Variants in DCLK1 observed in about 807,000 individuals in gnomAD.
The protein encoded by DCLK1 is serine/threonine-protein kinase DCLK1.
A neutral mutation model predicts 86.2 loss-of-function variants in DCLK1; 16 were observed. The ratio of observed to expected loss-of-function variants is 0.19; its 90% CI spans 0.13 to 0.28. The LOEUF (loss-of-function observed/expected upper bound fraction) is 0.28, where lower values mean the gene tolerates loss of function less well. Among genes scored for constraint, DCLK1 ranks in the 10% least tolerant of loss-of-function variants. The pLI is 1.00. For missense variants in DCLK1, 590 were observed against 940.2 expected, an observed-to-expected ratio of 0.63 and a Z score of 4.87; for synonymous variants, 369 against 370.5, an observed-to-expected ratio of 1.00 and a Z score of 0.05.
intron 4 of DCLK1, among the ~76,000 whole-genome samples, chr13:35,885,024 C>A (rs1276770213): frequency 6.6e-6 from 1 of 152,080 alleles, no homozygotes; most frequent in African/African-American, 2.4e-5. Context: ...GAAAACAGGA[C>A]CAGGCTCTTG....
At chr13:35,957,527 A>G (rs186334717) in intron 3 of DCLK1, among the ~76,000 whole-genome samples, 3 of 152,286 alleles carry the variant, frequency 2.0e-5, no homozygotes, top group Middle Eastern at 3.4e-3. Flanking sequence ...GTAAAATCAG[A>G]TTATTAAAAA....
At chr13:35,905,520 C>A (rs1874640105) in intron 4 of DCLK1, among the ~76,000 whole-genome samples, 1 of 152,192 alleles carries the variant, frequency 6.6e-6, no homozygotes, top group Admixed American at 6.5e-5. Context: ...CAGAAGATGA[C>A]AAAGTCAAGA....
At chr13:35,788,159 C>T in intron 16 of DCLK1, 3 of 1,551,838 alleles carry the variant, frequency 1.9e-6, no homozygotes, top group South Asian at 1.1e-5. Context: ...TTAATGGAGA[C>T]TGCCAGCACG....
At chr13:35,821,980 GT>G (rs2087405009) in intron 11 of DCLK1, among the ~76,000 whole-genome samples, 1 of 151,776 alleles carries the variant, frequency 6.6e-6, no homozygotes, top group Admixed American at 6.6e-5. Context: ...TTTCAAAATT[GT>G]TTTTATGCTA....
chr13:36,042,512 T>C (rs1882734125), intron 3 of DCLK1, among the ~76,000 whole-genome samples: 1 of 152,156 alleles, frequency 6.6e-6, no homozygotes, highest in South Asian at 2.1e-4. Flanking sequence ...ACCAAAGCTG[T>C]CAATTAAGGT....
chr13:35,905,687 T>C (rs1167371709), intron 4 of DCLK1, among the ~76,000 whole-genome samples: 1 of 152,236 alleles, frequency 6.6e-6, no homozygotes, highest in East Asian at 1.9e-4. Flanking sequence ...GGCTCACGCC[T>C]GTATTCCCAG....
At chr13:36,099,696 C>A (rs1161847066) in intron 3 of DCLK1, among the ~76,000 whole-genome samples, 1 of 152,204 alleles carries the variant, frequency 6.6e-6, no homozygotes, top group Admixed American at 6.5e-5. Context: ...AAAGCACAAT[C>A]ATCTTAATAA....
intron 14 of DCLK1, 74 bp downstream of exon 14, chr13:35,808,150 C>T: frequency 7.2e-7 from 1 of 1,379,766 alleles, no homozygotes; most frequent in Non-Finnish European, 1.0e-6. Flanking sequence ...AGTTTCTTTG[C>T]ACACAATGAT....
intron 3 of DCLK1, among the ~76,000 whole-genome samples, chr13:36,053,447 A>G (rs1883193978): frequency 6.6e-6 from 1 of 152,118 alleles, no homozygotes; most frequent in Admixed American, 6.6e-5. Context: ...TGCAAAATTA[A>G]CAGAGTCAAC....
chr13:35,846,380 C>G (rs766645936), intron 6 of DCLK1: 28 of 985,204 alleles, frequency 2.8e-5, no homozygotes, highest in Non-Finnish European at 3.3e-5. Context: ...TTGCCTATAA[C>G]TTTTAGATAT....
chr13:35,951,330 G>A (rs1256019084), intron 3 of DCLK1, among the ~76,000 whole-genome samples: 2 of 151,412 alleles, frequency 1.3e-5, no homozygotes, highest in Non-Finnish European at 2.9e-5. Flanking sequence ...ATGGATAGAT[G>A]GACGGATGGA....
At chr13:36,033,570 G>C (rs7317011) in intron 3 of DCLK1, among the ~76,000 whole-genome samples, 6,804 of 152,132 alleles carry the variant, frequency 0.045, 243 homozygotes, top group African/African-American at 0.1. Flanking sequence ...ATATGGGACG[G>C]CTGTAGGGTT....
At chr13:35,999,788 T>C (rs1249435430) in intron 3 of DCLK1, among the ~76,000 whole-genome samples, 2 of 152,196 alleles carry the variant, frequency 1.3e-5, no homozygotes, top group Admixed American at 6.5e-5. Flanking sequence ...TGGTAGGAGA[T>C]CTGTTGGGAG....
intron 11 of DCLK1, among the ~76,000 whole-genome samples, chr13:35,815,997 C>T (rs533500056): frequency 8.5e-5 from 13 of 152,178 alleles, no homozygotes; most frequent in African/African-American, 2.9e-4. Context: ...GAGAAGTGAA[C>T]GGAAACTCCA....
intron 4 of DCLK1, among the ~76,000 whole-genome samples, chr13:35,872,760 C>G (rs1872359157): frequency 6.6e-6 from 1 of 151,816 alleles, no homozygotes. Context: ...TTGTTCTTTC[C>G]CCTTCAATAT....
intron 4 of DCLK1, among the ~76,000 whole-genome samples, chr13:35,914,032 T>G (rs1453366665): frequency 6.6e-6 from 1 of 152,072 alleles, no homozygotes; most frequent in Non-Finnish European, 1.5e-5. Flanking sequence ...AAAAGATATA[T>G]TAGGGCTGGG....
intron 3 of DCLK1, among the ~76,000 whole-genome samples, chr13:35,961,504 T>C (rs1878461728): frequency 6.6e-6 from 1 of 152,198 alleles, no homozygotes; most frequent in South Asian, 2.1e-4. Context: ...TGCATGAAAA[T>C]TGTATTTTCT....
chr13:36,111,077 G>A (rs893167121), intron 3 of DCLK1, among the ~76,000 whole-genome samples: 13 of 151,692 alleles, frequency 8.6e-5, no homozygotes, highest in East Asian at 5.8e-4. Flanking sequence ...CTCGTGATCC[G>A]CCTGCCTCGG....
intron 4 of DCLK1, among the ~76,000 whole-genome samples, chr13:35,874,483 G>A (rs2153115293): frequency 6.6e-6 from 1 of 152,230 alleles, no homozygotes; most frequent in South Asian, 2.1e-4. Context: ...TCCTCCACTT[G>A]TTTTCATAGC....
Sources: allele counts gnomAD v4.1 joint callset (sites outside exome capture counted in the v4.1 genomes callset), GRCh38; gene constraint gnomAD v4.1.1; transcripts MANE v1.5; gene names NCBI Gene and HGNC (gene_info 2026-07-23, HGNC 2026-07-21).